EZH1: variants seen among roughly 807,000 people sequenced by gnomAD.
The protein encoded by EZH1 is histone-lysine N-methyltransferase EZH1.
In EZH1, 33 loss-of-function variants were observed where a neutral mutation model predicts 100.5. The observed-to-expected ratio is 0.33, with a 90% CI of 0.25 to 0.44. The LOEUF (loss-of-function observed/expected upper bound fraction) is 0.44, where lower values mean the gene tolerates loss of function less well. Ranked by LOEUF, EZH1 falls within the 20% of genes least tolerant of loss-of-function variation. EZH1 has a pLI of 1.00. For synonymous variants in EZH1, 272 were observed against 313.8 expected (o/e 0.87, Z 1.41); for missense variants, 475 against 928.4 (o/e 0.51, Z 6.35).
chr17:42,741,107 T>A (rs2054167442), intron 1 of EZH1, among the ~76,000 whole-genome samples: 2 of 152,254 alleles, frequency 1.3e-5, no homozygotes, highest in Non-Finnish European at 2.9e-5. Flanking sequence ...ACAAATTGTT[T>A]TCTCTTTTCT....
At position 42,702,342 on chromosome 17, in the gene EZH1, C is replaced by T. The variant is rs569801464; in HGVS notation, c.*190G>A. ...GTCCTGGGAGACCAAGCCCTAGCTGCCTCTGTCTCCCCTCTCATTGAGACA... is the reference window on the plus strand; with the variant it reads ...GTCCTGGGAGACCAAGCCCTAGCTGTCTCTGTCTCCCCTCTCATTGAGACA... On this transcript the variant is annotated 3_prime_UTR_variant, in exon 21 of 21. Coordinates refer to ENST00000428826, the MANE Select transcript of EZH1 (RefSeq NM_001991.5). The T allele has an allele frequency of 4.9e-5, 24 of 488,046 alleles. No individual in the cohort carries two copies. The highest frequency in any genetic ancestry group is 7.2e-5 in the Admixed American group (2 of 27,910). 30.2% of individuals were successfully genotyped at this position (488,046 alleles called of 1,614,324 possible). A position where few individuals can be genotyped will look rare whatever the true frequency, so the allele number is the denominator to read the frequency against.
rs2053313910 is a variant in EZH1, at chr17:42,704,686, A to G, written c.1936-3T>C. 1 of 1,612,622 alleles carries G rather than the reference A, an allele frequency of 6.2e-7. No individual in the cohort carries two copies. ...TCAGCCTCATCCTGAGAGATGAGCT[A>G]GAGAGATAGACAAATAACAAATAGG... is the stretch of plus-strand genomic sequence containing the variant. On this transcript the variant is annotated splice_region_variant and splice_polypyrimidine_tract_variant and intron_variant, in intron 17 of 20. Transcript: ENST00000428826.
At position 42,703,106 on chromosome 17, in the gene EZH1, A is replaced by G. The variant is rs77497817; in HGVS notation, c.2099-145T>C. 2,130 of 697,936 alleles carry G rather than the reference A, an allele frequency of 3.1e-3. 44 individuals are homozygous for G. The African/African-American group carries it at 0.034, about 11-fold the overall frequency. The allele number at this position is 697,936 out of a possible 1,614,324, so 43.2% of individuals were successfully genotyped here. A position where few individuals can be genotyped will look rare whatever the true frequency, so the allele number is the denominator to read the frequency against. On this transcript the variant is annotated intron_variant, in intron 19 of 20. Coordinates refer to ENST00000428826, the MANE Select transcript of EZH1 (RefSeq NM_001991.5). ...AGTAGTCAATATGGTAGTTGCCTCT[A>G]TGCTTTTAGATCTGTTATTATGGCA...
intron 5 of EZH1, 42 bp from the exon 6 acceptor site, chr17:42,722,957 T>G (rs1321664268): frequency 6.2e-7 from 1 of 1,601,114 alleles, no homozygotes; most frequent in Admixed American, 1.7e-5. Flanking sequence ...GAAGCCATCA[T>G]GCATCTGCTC....
intron 1 of EZH1, among the ~76,000 whole-genome samples, chr17:42,735,746 G>T (rs2143869995): frequency 6.6e-6 from 1 of 152,302 alleles, no homozygotes; most frequent in South Asian, 2.1e-4. Flanking sequence ...CCAGCACTTT[G>T]GGAGGTCAAG....
intron 1 of EZH1, among the ~76,000 whole-genome samples, chr17:42,737,587 CAGAGTG>C (rs1192370579): frequency 6.6e-6 from 1 of 152,190 alleles, no homozygotes; most frequent in Admixed American, 6.5e-5. Flanking sequence ...GCCTGGGTGA[CAGAGTG>C]AGACCCTGTT....
intron 3 of EZH1, among the ~76,000 whole-genome samples, 157 bp downstream of exon 3, chr17:42,728,668 C>G (rs527722381): frequency 1.4e-4 from 21 of 150,226 alleles, no homozygotes; most frequent in Non-Finnish European, 1.9e-4. Context: ...CGTGAACCTG[C>G]GAGGTGGAGC....
intron 2 of EZH1, among the ~76,000 whole-genome samples, chr17:42,730,219 T>C (rs1297210063): frequency 6.6e-6 from 1 of 152,138 alleles, no homozygotes; most frequent in Non-Finnish European, 1.5e-5. Flanking sequence ...CTTCAAGATA[T>C]GGAAGTCTTC....
chr17:42,707,915 C>A, intron 15 of EZH1, 43 bp downstream of exon 15: 1 of 1,612,136 alleles, frequency 6.2e-7, no homozygotes, highest in Non-Finnish European at 8.5e-7. Flanking sequence ...CACACTGGAG[C>A]CAACTGTTTT....
intron 10 of EZH1, among the ~76,000 whole-genome samples, chr17:42,714,907 T>A (rs1217100528): frequency 7.3e-6 from 1 of 137,408 alleles, no homozygotes; most frequent in African/African-American, 2.7e-5. Flanking sequence ...TGGAAATATA[T>A]TATATAATTA....
At chr17:42,715,106 TTATA>T (rs2053572837) in intron 10 of EZH1, among the ~76,000 whole-genome samples, 1 of 140,018 alleles carries the variant, frequency 7.1e-6, no homozygotes. Flanking sequence ...TTATATGTAT[TTATA>T]TATTATATAT....
At chr17:42,703,314 A>G (rs1229499128) in intron 19 of EZH1, 2 of 315,074 alleles carry the variant, frequency 6.3e-6, no homozygotes, top group Non-Finnish European at 1.2e-5. Flanking sequence ...AGCTGGGACT[A>G]CAGGTGCACA....
intron 1 of EZH1, among the ~76,000 whole-genome samples, chr17:42,743,347 T>G (rs1043054760): frequency 5.9e-5 from 9 of 151,902 alleles, no homozygotes; most frequent in Non-Finnish European, 1.3e-4. Flanking sequence ...ATTTTTGTAT[T>G]TTTAGTAGAG....
At chr17:42,707,678 G>A (rs1389329951) in intron 15 of EZH1, among the ~76,000 whole-genome samples, 2 of 152,230 alleles carry the variant, frequency 1.3e-5, no homozygotes, top group Non-Finnish European at 1.5e-5. Context: ...GAGTGACTGC[G>A]CCTGCTGCCC....
chr17:42,735,118 A>G (rs181556679), intron 1 of EZH1, among the ~76,000 whole-genome samples: 2 of 152,304 alleles, frequency 1.3e-5, no homozygotes, highest in Admixed American at 6.5e-5. Context: ...GGAATAGAAC[A>G]TAATCTACAG....
Position 42,730,881 on chromosome 17 carries a change from G to A in EZH1, c.-65C>T, listed in dbSNP as rs899342110. Reference sequence around the variant, plus strand: ...TTTTACAGTGTGCCTCTGTTCTTCAGGAGAATGGCAGGACACAACAGCAGA... The same window carrying A: ...TTTTACAGTGTGCCTCTGTTCTTCAAGAGAATGGCAGGACACAACAGCAGA... On this transcript the variant is annotated 5_prime_UTR_variant, in exon 2 of 21. Coordinates refer to ENST00000428826, the MANE Select transcript of EZH1 (RefSeq NM_001991.5). The A allele has an allele frequency of 3.0e-6, 3 of 985,354 alleles. No homozygotes were observed. Among genetic ancestry groups the A allele is most frequent in the African/African-American group, 3.5e-5 (2 of 57,200 alleles). 61.0% of individuals were successfully genotyped at this position (985,354 alleles called of 1,614,324 possible). A position where few individuals can be genotyped will look rare whatever the true frequency, so the allele number is the denominator to read the frequency against.
Position 42,702,323 on chromosome 17 carries a change from G to A in EZH1, c.*209C>T, listed in dbSNP as rs1458688493. On this transcript the variant is annotated 3_prime_UTR_variant, in exon 21 of 21. Transcript: ENST00000428826. ...CCCATTTCTGTAACTCTCTGTCCTG[G>A]GAGACCAAGCCCTAGCTGCCTCTGT... The A allele has an allele frequency of 4.2e-6, 2 of 474,762 alleles. No individual in the cohort carries two copies. The highest frequency in any genetic ancestry group is 3.9e-5 in the African/African-American group (2 of 51,762). 29.4% of individuals were successfully genotyped at this position (474,762 alleles called of 1,614,324 possible).
In EZH1 at chr17:42,704,510, T is replaced by C; in HGVS notation, c.2017+92A>G. 1.1e-5 allele frequency: 11 copies of C among 1,001,164 alleles called. No homozygotes were observed. In the South Asian group the frequency reaches 1.7e-4, roughly 16 times the overall value. The allele number at this position is 1,001,164 out of a possible 1,614,324, so 62.0% of individuals were successfully genotyped here. On this transcript the variant is annotated intron_variant, in intron 18 of 20. Coordinates refer to ENST00000428826, the MANE Select transcript of EZH1 (RefSeq NM_001991.5). ...CTACAGTGAGCCAAGATCGCACCAT[T>C]GCACCCTAGCCTGGGCAACAGAGCA...
In EZH1 at chr17:42,702,465, C is replaced by G. The variant is rs2053261485; in HGVS notation, c.*67G>C. ...GACACAGTGCAGGAGACTCGAGCAG[C>G]AGTGGTGTGAGCACGAAAGCCAAGA... On this transcript the variant is annotated 3_prime_UTR_variant, in exon 21 of 21. Transcript: ENST00000428826. The G allele has an allele frequency of 3.0e-6, 4 of 1,327,850 alleles. No homozygotes were observed. Among genetic ancestry groups the G allele is most frequent in the Non-Finnish European group, 4.2e-6 (4 of 950,542 alleles). The allele number at this position is 1,327,850 out of a possible 1,614,324, so 82.3% of individuals were successfully genotyped here.
Sources: gnomAD v4.1 joint callset for allele counts (sites outside exome capture counted in the v4.1 genomes callset) on GRCh38, gnomAD v4.1.1 for gene constraint, MANE v1.5 for transcripts, NCBI Gene and HGNC (gene_info 2026-07-23, HGNC 2026-07-21) for gene names.